ELAVL4: variants seen among roughly 807,000 people sequenced by gnomAD.
ELAVL4 encodes ELAV like RNA binding protein 4.
A neutral mutation model predicts 35.6 loss-of-function variants in ELAVL4; 1 was observed. The ratio of observed to expected loss-of-function variants is 0.03; its 90% CI spans 0.01 to 0.13. The LOEUF (loss-of-function observed/expected upper bound fraction) is 0.13. Among genes scored for constraint, ELAVL4 ranks in the 10% least tolerant of loss-of-function variants. ELAVL4 has a pLI of 1.00. For synonymous variants in ELAVL4, 156 were observed against 171.0 expected, an observed-to-expected ratio of 0.91 and a Z score of 0.69; for missense variants, 267 against 464.9, an observed-to-expected ratio of 0.57 and a Z score of 3.91.
At chr1:50,161,635 A>G (rs1212048255) in intron 2 of ELAVL4, among the ~76,000 whole-genome samples, 1 of 152,242 alleles carries the variant, frequency 6.6e-6, no homozygotes, top group Non-Finnish European at 1.5e-5. Context: ...AAGATCTGTC[A>G]TTTGGAGCAA....
Position 50,048,309 on chromosome 1 carries a change from G to C in ELAVL4, c.18+127G>C. 4.1e-6 allele frequency: 5 copies of C among 1,213,956 alleles called. No homozygotes were observed. The South Asian group carries it at 9.0e-5, about 22-fold the overall frequency. 75.2% of individuals were successfully genotyped at this position (1,213,956 alleles called of 1,614,324 possible). ...CAGCCTGGCCACCCCGACTCCCAGGGAGGGGGAGAGGGCCCTTGCAAGAGG... is the reference window on the plus strand; with the variant it reads ...CAGCCTGGCCACCCCGACTCCCAGGCAGGGGGAGAGGGCCCTTGCAAGAGG... On this transcript the variant is annotated intron_variant, in intron 1 of 6. Transcript: ENST00000448907.
chr1:50,073,781 T>A (rs1405195637), intron 1 of ELAVL4, among the ~76,000 whole-genome samples: 4 of 151,076 alleles, frequency 2.6e-5, no homozygotes, highest in Non-Finnish European at 4.4e-5. Context: ...ATGAATATAA[T>A]GATTGCCATA....
intron 1 of ELAVL4, among the ~76,000 whole-genome samples, chr1:50,059,911 T>C (rs570378947): frequency 2.0e-5 from 3 of 152,180 alleles, no homozygotes; most frequent in Admixed American, 2.0e-4. Flanking sequence ...AAATCTATAG[T>C]GTCAAGGCAA....
rs56304409 is a variant in ELAVL4 at position 50,133,599 on chromosome 1, AAAAGAAAGAAAGAAAG to A, written c.10-11320_10-11305del. Among the ~76,000 whole-genome samples, 941 of 129,258 alleles carry A rather than the reference AAAAGAAAGAAAGAAAG, an allele frequency of 7.3e-3. 12 individuals are homozygous for A. The highest frequency in any genetic ancestry group is 7.9e-3 in the African/African-American group (273 of 34,368). 84.8% of individuals were successfully genotyped at this position (129,258 alleles called of 152,430 possible). A position where few individuals can be genotyped will look rare whatever the true frequency, so the allele number is the denominator to read the frequency against. ...GAGAGAGAGAAAGAAAGAAAGAAAG[AAAAGAAAGAAAGAAAG>A]AAAGAAAGAAAGAAAGAAAGAAAGA... On this transcript the variant is annotated intron_variant, in intron 1 of 6. Transcript: ENST00000371824.
upstream of ELAVL4, among the ~76,000 whole-genome samples, chr1:50,101,364 A>G (rs530166756): frequency 3.6e-4 from 55 of 152,288 alleles, 1 homozygote; most frequent in Non-Finnish European, 4.4e-5. Context: ...TTCCAGCTTT[A>G]ATCTTTTGTA....
At chr1:50,091,852 G>A (rs1480873316) in intron 1 of ELAVL4, among the ~76,000 whole-genome samples, 1 of 152,202 alleles carries the variant, frequency 6.6e-6, no homozygotes, top group Non-Finnish European at 1.5e-5. Flanking sequence ...TTTAATAGAT[G>A]AGACTTCTTG....
intron 2 of ELAVL4, among the ~76,000 whole-genome samples, chr1:50,165,575 C>T (rs756963657): frequency 6.8e-6 from 1 of 146,878 alleles, no homozygotes; most frequent in Non-Finnish European, 1.5e-5. Context: ...CACACATACA[C>T]GTATATATGT....
chr1:50,109,846 G>A (rs1666756583), intron 1 of ELAVL4: 2 of 1,531,040 alleles, frequency 1.3e-6, no homozygotes, highest in Non-Finnish European at 8.9e-7. Context: ...TCCTTCTCTG[G>A]GCAGCAGCTC....
intron 2 of ELAVL4, among the ~76,000 whole-genome samples, chr1:50,176,331 T>A (rs531307765): frequency 1.3e-5 from 2 of 152,166 alleles, no homozygotes; most frequent in South Asian, 4.1e-4. Context: ...GCTCAGGGAA[T>A]GATGAGGGTA....
chr1:50,154,354 T>C (rs565597621), intron 2 of ELAVL4, among the ~76,000 whole-genome samples: 11 of 151,726 alleles, frequency 7.2e-5, no homozygotes, highest in Middle Eastern at 3.4e-3. Flanking sequence ...TAAGGTGATG[T>C]ACCCATTTGC....
chr1:50,119,305 AG>A (rs1668627428), intron 1 of ELAVL4, among the ~76,000 whole-genome samples: 1 of 151,948 alleles, frequency 6.6e-6, no homozygotes, highest in Non-Finnish European at 1.5e-5. Flanking sequence ...AAAAAGCGGG[AG>A]GGACTTGATT....
At chr1:50,127,132 A>C (rs1270130597) in intron 1 of ELAVL4, among the ~76,000 whole-genome samples, 1 of 152,062 alleles carries the variant, frequency 6.6e-6, no homozygotes, top group Non-Finnish European at 1.5e-5. Flanking sequence ...TGGGTTGGAG[A>C]TAAGGATGTC....
rs1644451964 is a variant in ELAVL4 at position 50,203,178 on chromosome 1, T to C, written c.*2000T>C. 6.6e-6 allele frequency: 1 copy of C among 152,182 alleles called. No individual in the cohort carries two copies. Among genetic ancestry groups the C allele is most frequent in the Non-Finnish European group, 1.5e-5 (1 of 68,012 alleles). The allele number at this position is 152,182 out of a possible 1,614,324, so 9.4% of individuals were successfully genotyped here. A position where few individuals can be genotyped will look rare whatever the true frequency, so the allele number is the denominator to read the frequency against. On this transcript the variant is annotated 3_prime_UTR_variant, in exon 7 of 7. Coordinates refer to ENST00000371824, the MANE Select transcript of ELAVL4 (RefSeq NM_001144774.3). ...AAATCTTTTCAATACAAGTTTAGTC[T>C]TAATGGTAATAAAACGTTATGGTTA...
intron 2 of ELAVL4, among the ~76,000 whole-genome samples, chr1:50,170,785 C>G (rs1678857963): frequency 1.3e-5 from 2 of 152,198 alleles, no homozygotes; most frequent in African/African-American, 4.8e-5. Flanking sequence ...GTAATCCCAA[C>G]ACTTTGAGAG....
intron 2 of ELAVL4, among the ~76,000 whole-genome samples, chr1:50,173,204 G>C (rs1679353500): frequency 6.6e-6 from 1 of 152,182 alleles, no homozygotes; most frequent in Non-Finnish European, 1.5e-5. Context: ...TTTCTAAGGG[G>C]AAAAGTTGGA....
chr1:50,075,739 C>A (rs1664730492), intron 1 of ELAVL4, among the ~76,000 whole-genome samples: 1 of 152,186 alleles, frequency 6.6e-6, no homozygotes, highest in South Asian at 2.1e-4. Flanking sequence ...AGTGGGGCAA[C>A]ATCTTGATGA....
chr1:50,109,016 C>CCGGGG lies in ELAVL4; in HGVS notation c.-173_-172insGGGGC. The CCGGGG allele has an allele frequency of 1.1e-6, 1 of 905,782 alleles. No homozygotes were observed. Among genetic ancestry groups the CCGGGG allele is most frequent in the Non-Finnish European group, 1.3e-6 (1 of 761,398 alleles). 56.1% of individuals were successfully genotyped at this position (905,782 alleles called of 1,614,324 possible). On this transcript the variant is annotated 5_prime_UTR_variant, in exon 1 of 7. Coordinates refer to ENST00000371824, the MANE Select transcript of ELAVL4 (RefSeq NM_001144774.3). ...CTCCTTTTCTTTTTTTTCTTTCTCT[C>CCGGGG]CCCCGCCCACCCCCCCAAAAATAAT...
chr1:50,053,074 A>G (rs1244573211), intron 1 of ELAVL4, among the ~76,000 whole-genome samples: 1 of 152,212 alleles, frequency 6.6e-6, no homozygotes, highest in Non-Finnish European at 1.5e-5. Context: ...CTTATTATCT[A>G]TAGTACCAGC....
intron 2 of ELAVL4, among the ~76,000 whole-genome samples, chr1:50,173,896 C>T (rs1331297036): frequency 6.6e-6 from 1 of 152,140 alleles, no homozygotes; most frequent in Non-Finnish European, 1.5e-5. Context: ...TACAGATACA[C>T]TAGCTCTGGG....
Sources: gnomAD v4.1 joint callset for allele counts (sites outside exome capture counted in the v4.1 genomes callset) on GRCh38, gnomAD v4.1.1 for gene constraint, MANE v1.5 for transcripts, NCBI Gene and HGNC (gene_info 2026-07-23, HGNC 2026-07-21) for gene names.